WARS1: variants seen among roughly 807,000 people sequenced by gnomAD.
WARS1 encodes tryptophanyl-tRNA synthetase 1.
WARS1 carries 17 observed loss-of-function variants against 47.8 expected under a neutral mutation model. The ratio of observed to expected loss-of-function variants is 0.36; its 90% CI spans 0.24 to 0.53. The LOEUF is 0.53. Among genes scored for constraint, WARS1 ranks in the 20% least tolerant of loss-of-function variants. The pLI, the probability that WARS1 is intolerant of heterozygous loss-of-function variation, is 0.91. For synonymous variants in WARS1, 208 were observed against 228.1 expected (o/e 0.91, Z 0.79); for missense variants, 434 against 608.0 (o/e 0.71, Z 3.01).
intron 5 of WARS1, 63 bp from the exon 6 acceptor site, chr14:100,353,932 C>T: frequency 1.4e-6 from 2 of 1,467,824 alleles, no homozygotes; most frequent in Non-Finnish European, 1.9e-6. Flanking sequence ...CGCCATCGTG[C>T]ATCTGAAAAC....
rs138836313 is a variant in WARS1 at position 100,346,116 on chromosome 14, G to A, written c.826+630C>T. Among the ~76,000 whole-genome samples the A allele has an allele frequency of 5.9e-5, 9 of 152,356 alleles. No homozygotes were observed. The East Asian group carries it at 1.7e-3, about 29-fold the overall frequency. On this transcript the variant is annotated intron_variant, in intron 7 of 10. Coordinates refer to ENST00000392882, the MANE Select transcript of WARS1 (RefSeq NM_004184.4). ...CAGAAGGCCCAGCCACAAGTCTCAAGGACCAAAAGTCTAAAAGTCTACGAA... is the reference window on the plus strand; with the variant it reads ...CAGAAGGCCCAGCCACAAGTCTCAAAGACCAAAAGTCTAAAAGTCTACGAA...
At chr14:100,353,935 C>G in intron 5 of WARS1, 66 bp from the exon 6 acceptor site, 1 of 1,457,178 alleles carries the variant, frequency 6.9e-7, no homozygotes, top group Non-Finnish European at 9.3e-7. Flanking sequence ...CATCGTGCAT[C>G]TGAAAACACA....
rs776396046 is a variant in WARS1 at position 100,361,754 on chromosome 14, T to C, written c.267A>G (p.Thr89=). The C allele has an allele frequency of 3.7e-6, 6 of 1,614,178 alleles. No individual in the cohort carries two copies. In the South Asian group the frequency reaches 5.5e-5, roughly 15 times the overall value. Residue 89 remains threonine, a synonymous_variant, in exon 3 of 11, where the codon ACA becomes ACG. Coordinates refer to ENST00000392882, the MANE Select transcript of WARS1 (RefSeq NM_004184.4). ...EAEEDFVDPW[T]VQTSSAKGID... is the part of the protein sequence containing the mutation. ...TGCCTTTTGCACTGCTTGTCTGTAC[T>C]GTCCATGGGTCCACAAAATCCTCTT...
intron 6 of WARS1, among the ~76,000 whole-genome samples, chr14:100,348,554 C>T (rs1894773688): frequency 6.6e-6 from 1 of 152,324 alleles, no homozygotes; most frequent in Middle Eastern, 3.4e-3. Context: ...GCACAGCCAA[C>T]AGCAGCACTG....
Position 100,352,453 on chromosome 14 carries a change from C to T in WARS1, c.725+1234G>A, listed in dbSNP as rs747010193. On this transcript the variant is annotated intron_variant, in intron 6 of 10. Transcript: ENST00000392882. The stretch of plus-strand genomic sequence containing the variant: ...AGTTTTAAGGTCTTATAAGAGGGAA[C>T]GTTCTGGGGATGCGGCTCTAAGCAA... Among the ~76,000 whole-genome samples, 23 of 152,244 alleles carry T rather than the reference C, an allele frequency of 1.5e-4. No homozygotes were observed. In the East Asian group the frequency reaches 1.9e-3, roughly 13 times the overall value.
chr14:100,339,612 A>C (rs1595406185), intron 9 of WARS1, among the ~76,000 whole-genome samples: 3 of 138,098 alleles, frequency 2.2e-5, no homozygotes, highest in South Asian at 4.8e-4. Context: ...AAAAAAAAGG[A>C]AAAAAAAAGT....
At chr14:100,366,907 T>C in intron 2 of WARS1, 5 of 1,609,542 alleles carry the variant, frequency 3.1e-6, no homozygotes, top group Non-Finnish European at 4.3e-6. Context: ...TGAATAAAGA[T>C]AAGAAGCATC....
chr14:100,341,607 T>C (rs898928208), intron 9 of WARS1, among the ~76,000 whole-genome samples: 2 of 152,200 alleles, frequency 1.3e-5, no homozygotes, highest in East Asian at 3.8e-4. Context: ...GGCAATTATA[T>C]ATACACTGGC....
intron 9 of WARS1, 47 bp downstream of exon 9, chr14:100,342,351 C>T (rs1894223957): frequency 6.2e-7 from 1 of 1,610,890 alleles, no homozygotes; most frequent in Non-Finnish European, 8.5e-7. Context: ...CCCCCCAGGG[C>T]ATGTTTCTGA....
intron 1 of WARS1, among the ~76,000 whole-genome samples, chr14:100,369,476 G>T (rs1896210207): frequency 6.6e-6 from 1 of 151,890 alleles, no homozygotes; most frequent in African/African-American, 2.4e-5. Flanking sequence ...TAAAGGAGTG[G>T]CTAGGATTTA....
chr14:100,343,925 G>A (rs908732886), intron 7 of WARS1, among the ~76,000 whole-genome samples: 1 of 152,152 alleles, frequency 6.6e-6, no homozygotes, highest in Non-Finnish European at 1.5e-5. Context: ...GAGCCACGGC[G>A]CCCGGCCTTC....
rs1371760815 is a variant in WARS1 at position 100,373,454 on chromosome 14, C to G, written c.-74+1829G>C. On this transcript the variant is annotated intron_variant, in intron 1 of 10. Transcript: ENST00000392882. The surrounding 1 kb of genome is among the most constrained non-coding windows in gnomAD (Gnocchi z 4.4). ...ATTTTTGGAATTCCTTTTGGTTTAC[C>G]CTGTCCTTCCAAAAAATGTGGTGCC... Among the ~76,000 whole-genome samples the G allele has an allele frequency of 6.6e-6, 1 of 152,144 alleles. No homozygotes were observed. Among genetic ancestry groups the G allele is most frequent in the African/African-American group, 2.4e-5 (1 of 41,414 alleles).
intron 5 of WARS1, 39 bp from the exon 6 acceptor site, chr14:100,353,908 C>A (rs762763029): frequency 1.3e-5 from 20 of 1,585,242 alleles, no homozygotes; most frequent in Non-Finnish European, 1.6e-5. Flanking sequence ...CGTCTCATCT[C>A]CCCTGTGGAG....
At position 100,369,267 on chromosome 14, in the gene WARS1, G is replaced by T; in HGVS notation, c.-73-9C>A. On this transcript the variant is annotated splice_polypyrimidine_tract_variant and intron_variant, in intron 1 of 10. Coordinates refer to ENST00000392882, the MANE Select transcript of WARS1 (RefSeq NM_004184.4). Reference sequence around the variant, plus strand: ...CAGCAGACGAGTCAAGACTGGGGTGGGGGCGGGGAAGGAGAGAGAGGAAAA... The same window carrying T: ...CAGCAGACGAGTCAAGACTGGGGTGTGGGCGGGGAAGGAGAGAGAGGAAAA... 1 of 766,610 alleles carries T rather than the reference G, an allele frequency of 1.3e-6. No homozygotes were observed. Among genetic ancestry groups the T allele is most frequent in the East Asian group, 4.4e-5 (1 of 22,880 alleles). 47.5% of individuals were successfully genotyped at this position (766,610 alleles called of 1,614,324 possible).
In WARS1 at chr14:100,334,786, G is replaced by T; in HGVS notation, c.*89C>A. 1 of 1,493,792 alleles carries T rather than the reference G, an allele frequency of 6.7e-7. No individual in the cohort carries two copies. Among genetic ancestry groups the T allele is most frequent in the Non-Finnish European group, 9.1e-7 (1 of 1,092,914 alleles). The allele number at this position is 1,493,792 out of a possible 1,614,324, so 92.5% of individuals were successfully genotyped here. A position where few individuals can be genotyped will look rare whatever the true frequency, so the allele number is the denominator to read the frequency against. ...GCCCAGTAATTACCATGAGACAGAA[G>T]CCTACAGGTGGCGGTGCTTTGACTG... On this transcript the variant is annotated 3_prime_UTR_variant, in exon 11 of 11. Transcript: ENST00000392882.
chr14:100,339,105 A>T (rs899725408), intron 9 of WARS1, among the ~76,000 whole-genome samples: 15 of 32,912 alleles, frequency 4.6e-4, no homozygotes, highest in Admixed American at 1.1e-3. Flanking sequence ...AAACTCCATC[A>T]CACACACACA....
chr14:100,342,658 G>C (rs1894248810), intron 8 of WARS1, 87 bp from the exon 9 acceptor site: 2 of 1,299,844 alleles, frequency 1.5e-6, no homozygotes, highest in Admixed American at 2.6e-5. Context: ...CATCTTCCCA[G>C]AAGGCTCTCA....
chr14:100,334,141 G>A lies in WARS1; in HGVS notation c.*734C>T, dbSNP rs1396993705. ...CCACCCTGACTCTGCAGGACAGAGG[G>A]TCTAGGGTCATTTGGCAGGAGAACA... On this transcript the variant is annotated 3_prime_UTR_variant, in exon 11 of 11. Coordinates refer to ENST00000392882, the MANE Select transcript of WARS1 (RefSeq NM_004184.4). 1 of 152,660 alleles carries A rather than the reference G, an allele frequency of 6.6e-6. No homozygotes were observed. Among genetic ancestry groups the A allele is most frequent in the Admixed American group, 6.5e-5 (1 of 15,278 alleles). 9.5% of individuals were successfully genotyped at this position (152,660 alleles called of 1,614,324 possible).
rs887424714 is a variant in WARS1 at position 100,334,736 on chromosome 14, A to T, written c.*139T>A. The T allele has an allele frequency of 1.1e-6, 1 of 912,408 alleles. No homozygotes were observed. Among genetic ancestry groups the T allele is most frequent in the Admixed American group, 2.7e-5 (1 of 37,402 alleles). 56.5% of individuals were successfully genotyped at this position (912,408 alleles called of 1,614,324 possible). A position where few individuals can be genotyped will look rare whatever the true frequency, so the allele number is the denominator to read the frequency against. On this transcript the variant is annotated 3_prime_UTR_variant, in exon 11 of 11. Transcript: ENST00000392882. ...CTCACAGGAAGAAACAGTATTGATA[A>T]CATACACAGGCTTACAGAGGCCAGG...
Sources: gnomAD v4.1 joint callset for allele counts (sites outside exome capture counted in the v4.1 genomes callset) on GRCh38, gnomAD v4.1.1 for gene constraint, Gnocchi (gnomAD v3.1) non-coding constraint, MANE v1.5 for transcripts, NCBI Gene and HGNC (gene_info 2026-07-23, HGNC 2026-07-21) for gene names.